The following FARS2 variants were observed in gnomAD, a reference collection of about 807,000 sequenced individuals.
FARS2 encodes the protein phenylalanine--tRNA ligase, mitochondrial.
FARS2 carries 40 observed loss-of-function variants against 46.4 expected under a neutral mutation model. The ratio of observed to expected loss-of-function variants is 0.86; its 90% confidence interval spans 0.67 to 1.12. The LOEUF (loss-of-function observed/expected upper bound fraction) is 1.12. Ranked by LOEUF, FARS2 falls within the 50% of genes most tolerant of loss-of-function variation. The pLI is 0.00. For missense variants in FARS2, 513 were observed against 567.9 expected, an observed-to-expected ratio of 0.90 and a Z score of 0.98; for synonymous variants, 234 against 214.9, an observed-to-expected ratio of 1.09 and a Z score of -0.78.
intron 6 of FARS2, among the ~76,000 whole-genome samples, chr6:5,746,461 G>A (rs1441524454): frequency 6.6e-6 from 1 of 152,124 alleles, no homozygotes; most frequent in Non-Finnish European, 1.5e-5. Context: ...TGTCTTTGAG[G>A]TCCTGCCACT....
intron 1 of FARS2, among the ~76,000 whole-genome samples, chr6:5,330,841 C>T (rs1770750231): frequency 6.6e-6 from 1 of 151,948 alleles, no homozygotes; most frequent in African/African-American, 2.4e-5. Flanking sequence ...TGGGGTGGGT[C>T]ACGCCTGTAA....
chr6:5,764,836 C>G lies in FARS2; in HGVS notation c.1218-6455C>G, dbSNP rs1238297635. On this transcript the variant is annotated intron_variant, in intron 6 of 6. Coordinates refer to ENST00000274680, the MANE Select transcript of FARS2 (RefSeq NM_006567.5). The surrounding 1 kb of genome is among the most constrained non-coding windows in gnomAD (Gnocchi z 4.1). ...GGTTGTATGATAGAGGAATTCCAAC[C>G]CTCGCTAACACTCTGACCCCTTGTG... is the stretch of plus-strand genomic sequence containing the variant. Among the ~76,000 whole-genome samples, 1 of 152,142 alleles carries G rather than the reference C, an allele frequency of 6.6e-6. No homozygotes were observed. Among genetic ancestry groups the G allele is most frequent in the Non-Finnish European group, 1.5e-5 (1 of 68,028 alleles).
At chr6:5,421,696 G>A (rs138191889) in intron 3 of FARS2, among the ~76,000 whole-genome samples, 60 of 152,288 alleles carry the variant, frequency 3.9e-4, no homozygotes, top group African/African-American at 1.3e-3. Flanking sequence ...GAGGCAAAAT[G>A]CTGCCAGTCT....
At chr6:5,684,956 T>G (rs1426609509) in intron 6 of FARS2, among the ~76,000 whole-genome samples, 3 of 152,270 alleles carry the variant, frequency 2.0e-5, no homozygotes, top group African/African-American at 7.2e-5. Context: ...GAAAAAAGAT[T>G]AAGTGGAGCC....
chr6:5,594,639 G>C (rs1774098224), intron 5 of FARS2, among the ~76,000 whole-genome samples: 1 of 152,222 alleles, frequency 6.6e-6, no homozygotes, highest in South Asian at 2.1e-4. Context: ...CAATCGAAGA[G>C]GCTGGAATTA....
chr6:5,448,468 T>A, intron 4 of FARS2, among the ~76,000 whole-genome samples: 1 of 83,432 alleles, frequency 1.2e-5, no homozygotes. Context: ...ACACATTTTT[T>A]CTGTTTTTTT....
At chr6:5,695,659 T>A (rs1758058102) in intron 6 of FARS2, among the ~76,000 whole-genome samples, 1 of 152,230 alleles carries the variant, frequency 6.6e-6, no homozygotes, top group African/African-American at 2.4e-5. Flanking sequence ...ACCCAGCCTC[T>A]CCAACTACTC....
At chr6:5,405,477 G>GTTGTTTTTTTTTTTTT (rs1554181324) in intron 3 of FARS2, among the ~76,000 whole-genome samples, 1 of 93,168 alleles carries the variant, frequency 1.1e-5, no homozygotes, top group African/African-American at 4.6e-5. Context: ...GTGGAGCAAG[G>GTTGTTTTTTTTTTTTT]TTCTTTTTTT....
intron 1 of FARS2, among the ~76,000 whole-genome samples, chr6:5,313,942 G>A (rs1266401456): frequency 1.3e-5 from 2 of 152,188 alleles, no homozygotes; most frequent in Non-Finnish European, 2.9e-5. Context: ...TAATTGGTAT[G>A]TAGTGTGCTG....
chr6:5,330,355 G>T (rs1224485313), intron 1 of FARS2, among the ~76,000 whole-genome samples: 1 of 151,916 alleles, frequency 6.6e-6, no homozygotes, highest in East Asian at 1.9e-4. Flanking sequence ...GACCTACTTC[G>T]CCATGTAGGT....
At chr6:5,521,673 T>C (rs1008856705) in intron 4 of FARS2, among the ~76,000 whole-genome samples, 4 of 152,208 alleles carry the variant, frequency 2.6e-5, no homozygotes, top group South Asian at 2.1e-4. Flanking sequence ...CAGGCAAGAC[T>C]GTATATGATT....
chr6:5,328,544 C>G (rs1357739349), intron 1 of FARS2, among the ~76,000 whole-genome samples: 1 of 152,160 alleles, frequency 6.6e-6, no homozygotes, highest in Non-Finnish European at 1.5e-5. Context: ...GGGGGCCAAT[C>G]TCTGCCTCTG....
At chr6:5,496,800 G>A (rs1161250743) in intron 4 of FARS2, among the ~76,000 whole-genome samples, 2 of 152,120 alleles carry the variant, frequency 1.3e-5, no homozygotes, top group Non-Finnish European at 2.9e-5. Context: ...TGGGGGTTAG[G>A]ACTTTCATAT....
intron 6 of FARS2, among the ~76,000 whole-genome samples, chr6:5,731,791 A>T (rs527309017): frequency 2.1e-4 from 32 of 152,230 alleles, no homozygotes; most frequent in South Asian, 6.2e-4. Flanking sequence ...AAAATCAGAA[A>T]AATAGGGCCC....
chr6:5,364,087 G>A (rs1758493378), intron 1 of FARS2, among the ~76,000 whole-genome samples: 1 of 152,140 alleles, frequency 6.6e-6, no homozygotes, highest in African/African-American at 2.4e-5. Flanking sequence ...TGAGTTCTCT[G>A]TGTCAGTGAA....
chr6:5,580,271 C>T (rs1440501598), intron 5 of FARS2, among the ~76,000 whole-genome samples: 1 of 104,042 alleles, frequency 9.6e-6, no homozygotes, highest in East Asian at 2.8e-4. Context: ...GCCTGGGTGA[C>T]AGAGGAAGAC....
At chr6:5,437,799 G>A (rs1449817409) in intron 4 of FARS2, among the ~76,000 whole-genome samples, 1 of 151,994 alleles carries the variant, frequency 6.6e-6, no homozygotes, top group African/African-American at 2.4e-5. Flanking sequence ...AAAATTAAGA[G>A]GAAAGTAGTT....
At chr6:5,416,415 C>T (rs1291307980) in intron 3 of FARS2, among the ~76,000 whole-genome samples, 1 of 152,156 alleles carries the variant, frequency 6.6e-6, no homozygotes, top group Non-Finnish European at 1.5e-5. Context: ...GCAAAGTCTT[C>T]GTACCATTGT....
intron 4 of FARS2, among the ~76,000 whole-genome samples, chr6:5,523,666 G>T (rs1769287173): frequency 6.6e-6 from 1 of 152,164 alleles, no homozygotes; most frequent in Admixed American, 6.5e-5. Flanking sequence ...GCGTGCTTGG[G>T]TGCCAATCTA....
Sources: allele counts gnomAD v4.1 joint callset (sites outside exome capture counted in the v4.1 genomes callset), GRCh38; gene constraint gnomAD v4.1.1; non-coding constraint Gnocchi (gnomAD v3.1); transcripts MANE v1.5; gene names NCBI Gene and HGNC (gene_info 2026-07-23, HGNC 2026-07-21).